HS6ST2: variants seen among roughly 807,000 people sequenced by gnomAD.
HS6ST2 encodes the protein heparan sulfate 6-O-sulfotransferase 2.
A neutral mutation model predicts 33.0 loss-of-function variants in HS6ST2; 17 were observed. The ratio of observed to expected loss-of-function variants is 0.52; its 90% CI spans 0.35 to 0.77. The LOEUF (loss-of-function observed/expected upper bound fraction) is 0.77. Among genes scored for constraint, HS6ST2 ranks in the 30% least tolerant of loss-of-function variants. The probability of loss-of-function intolerance (pLI) is 0.01; values close to 1 mark genes in which losing one functional copy is unlikely to be tolerated. For missense variants in HS6ST2, 519 were observed against 551.7 expected (o/e 0.94, Z 0.59); for synonymous variants, 248 against 237.1 (o/e 1.05, Z -0.42).
chrX:132,784,958 G>C (rs894907587), intron 2 of HS6ST2, among the ~76,000 whole-genome samples: 1 of 111,593 alleles, frequency 9.0e-6, no homozygotes, highest in African/African-American at 3.3e-5. Context: ...CTCGTCCTTG[G>C]TTCGGTTCAG....
At chrX:132,825,991 T>C (rs1276927111) in intron 2 of HS6ST2, among the ~76,000 whole-genome samples, 1 of 112,611 alleles carries the variant, frequency 8.9e-6, no homozygotes, top group Admixed American at 9.4e-5. Context: ...CTGTCCTCCA[T>C]GACCATCTCA....
chrX:132,701,763 G>A lies in HS6ST2; in HGVS notation c.980+6699C>T, dbSNP rs2064145363. On this transcript the variant is annotated intron_variant, in intron 3 of 4. Coordinates refer to ENST00000370833, the MANE Select transcript of HS6ST2 (RefSeq NM_001394073.1). ...AATGATGGCTGGAAGAATCCGAATG[G>A]CCTTCTAAGAGTTAACATGCTTTTC... Among the ~76,000 whole-genome samples the A allele has an allele frequency of 4.5e-5, 5 of 111,955 alleles. No homozygotes were observed. The South Asian group carries it at 1.9e-3, about 42-fold the overall frequency.
intron 4 of HS6ST2, among the ~76,000 whole-genome samples, chrX:132,637,784 TATTTTATATATATA>T (rs1368380138): frequency 6.5e-5 from 4 of 61,279 alleles, no homozygotes; most frequent in Non-Finnish European, 1.1e-4. Context: ...ATATATATAA[TATTTTATATATATA>T]ATATTATATA....
chrX:132,759,680 A>T (rs1394630697), intron 2 of HS6ST2, among the ~76,000 whole-genome samples: 9 of 110,805 alleles, frequency 8.1e-5, no homozygotes, highest in African/African-American at 3.0e-4. Flanking sequence ...TCACCCCAAT[A>T]AAAAAAAGCA....
intron 4 of HS6ST2, among the ~76,000 whole-genome samples, chrX:132,629,722 T>C (rs1356506120): frequency 8.9e-6 from 1 of 112,112 alleles, no homozygotes; most frequent in African/African-American, 3.2e-5. Context: ...GGAAGTGGAA[T>C]GTAGAGATAG....
intron 2 of HS6ST2, among the ~76,000 whole-genome samples, chrX:132,898,466 G>A (rs1332070496): frequency 2.8e-5 from 3 of 105,718 alleles, no homozygotes; most frequent in Non-Finnish European, 5.8e-5. Flanking sequence ...AACAATGAAA[G>A]TTCAGTCTGG....
chrX:132,802,853 CAGA>C (rs1252635098), intron 2 of HS6ST2, among the ~76,000 whole-genome samples: 2 of 108,719 alleles, frequency 1.8e-5, no homozygotes, highest in African/African-American at 6.7e-5. Context: ...GGAGATCAAG[CAGA>C]AGGGGGAAGG....
chrX:132,810,090 A>G lies in HS6ST2; in HGVS notation c.948-101596T>C, dbSNP rs2065326053. 2.7e-5 allele frequency among the ~76,000 whole-genome samples: 3 copies of G among 111,458 alleles called. No individual in the cohort carries two copies. In the South Asian group the frequency reaches 1.2e-3, roughly 43 times the overall value. On this transcript the variant is annotated intron_variant, in intron 2 of 4. Coordinates refer to ENST00000370833, the MANE Select transcript of HS6ST2 (RefSeq NM_001394073.1). ...AGATACTAGAATAATATTTCTGAAA[A>G]TATTAAGGGATAGCCTGCATCAGTA...
At chrX:132,804,706 G>A (rs1197607203) in intron 2 of HS6ST2, among the ~76,000 whole-genome samples, 1 of 111,413 alleles carries the variant, frequency 9.0e-6, no homozygotes, top group African/African-American at 3.3e-5. Context: ...GGCTGAGATG[G>A]GAGGATTGCT....
chrX:132,895,755 A>G (rs756566415), intron 2 of HS6ST2, among the ~76,000 whole-genome samples: 4 of 110,502 alleles, frequency 3.6e-5, no homozygotes, highest in Non-Finnish European at 5.7e-5. Context: ...ACTGGTATCA[A>G]TCATCACTTC....
chrX:132,647,378 C>G (rs1336615699), intron 4 of HS6ST2, among the ~76,000 whole-genome samples: 1 of 111,670 alleles, frequency 9.0e-6, no homozygotes, highest in Non-Finnish European at 1.9e-5. Context: ...CTTTGCTCCA[C>G]TGTCTCTTAG....
intron 2 of HS6ST2, among the ~76,000 whole-genome samples, chrX:132,881,245 A>G (rs1037541183): frequency 9.1e-6 from 1 of 110,101 alleles, no homozygotes; most frequent in Non-Finnish European, 1.9e-5. Context: ...TCCCACCAAC[A>G]GTGTAAAAGT....
At chrX:132,933,210 C>A (rs2066793085) in intron 2 of HS6ST2, among the ~76,000 whole-genome samples, 1 of 109,564 alleles carries the variant, frequency 9.1e-6, no homozygotes, top group African/African-American at 3.3e-5. Flanking sequence ...CGTCTGTAAT[C>A]CCAGCTATTC....
At chrX:132,644,988 T>C (rs2063629845) in intron 4 of HS6ST2, among the ~76,000 whole-genome samples, 1 of 111,262 alleles carries the variant, frequency 9.0e-6, no homozygotes, top group Admixed American at 9.5e-5. Flanking sequence ...ATCCCATCCT[T>C]AGTTACTATT....
chrX:132,665,351 G>C (rs906193953), intron 4 of HS6ST2, among the ~76,000 whole-genome samples: 24 of 111,717 alleles, frequency 2.1e-4, no homozygotes, highest in Non-Finnish European at 3.6e-4. Flanking sequence ...CATGGGACAA[G>C]TATGAGAAGA....
At chrX:132,674,904 A>G (rs898218611) in intron 3 of HS6ST2, among the ~76,000 whole-genome samples, 3 of 111,917 alleles carry the variant, frequency 2.7e-5, no homozygotes, top group African/African-American at 9.7e-5. Flanking sequence ...TCTGAAATAT[A>G]ATGAGAGGCT....
intron 2 of HS6ST2, among the ~76,000 whole-genome samples, chrX:132,873,906 C>T (rs2066086585): frequency 9.0e-6 from 1 of 111,003 alleles, no homozygotes; most frequent in South Asian, 3.9e-4. Context: ...GAGATGAAGC[C>T]AAATCTCACC....
In HS6ST2 at chrX:132,763,274, A is replaced by G. The variant is rs183103856; in HGVS notation, c.948-54780T>C. On this transcript the variant is annotated intron_variant, in intron 2 of 4. Coordinates refer to ENST00000370833, the MANE Select transcript of HS6ST2 (RefSeq NM_001394073.1). Reference sequence around the variant, plus strand: ...GTAACATGGTAAAAATGTAGTGTCTATCTATTTCCCACGAGTAAAAGTTTT... The same window carrying G: ...GTAACATGGTAAAAATGTAGTGTCTGTCTATTTCCCACGAGTAAAAGTTTT... Among the ~76,000 whole-genome samples the G allele has an allele frequency of 2.5e-4, 28 of 112,507 alleles. 1 individual carries two copies. The highest frequency in any genetic ancestry group is 8.7e-4 in the African/African-American group (27 of 31,011).
intron 2 of HS6ST2, among the ~76,000 whole-genome samples, chrX:132,820,110 G>GGCACTAT (rs2065436579): frequency 9.0e-6 from 1 of 111,388 alleles, no homozygotes; most frequent in African/African-American, 3.3e-5. Flanking sequence ...GCTTTTAGAA[G>GGCACTAT]GCACTATGCA....
Sources: allele counts gnomAD v4.1 joint callset (sites outside exome capture counted in the v4.1 genomes callset), GRCh38; gene constraint gnomAD v4.1.1; transcripts MANE v1.5; gene names NCBI Gene and HGNC (gene_info 2026-07-23, HGNC 2026-07-21).